Variants in POLA1 observed in about 807,000 individuals in gnomAD.
The protein encoded by POLA1 is DNA polymerase alpha catalytic subunit.
In POLA1, 15 loss-of-function variants were observed where a neutral mutation model predicts 124.0. That is an observed-to-expected ratio of 0.12 (90% CI 0.08 to 0.19). POLA1 has a LOEUF of 0.19. Ranked by LOEUF, POLA1 falls within the 10% of genes least tolerant of loss-of-function variation. The pLI, the probability that POLA1 is intolerant of heterozygous loss-of-function variation, is 1.00. For missense variants in POLA1, 886 were observed against 1,103.4 expected, an observed-to-expected ratio of 0.80 and a Z score of 2.79; for synonymous variants, 408 against 389.4, an observed-to-expected ratio of 1.05 and a Z score of -0.56.
Position 24,806,120 on chromosome X carries a change from T to C in POLA1, c.2965-3778T>C, listed in dbSNP as rs1291113547. 2.5e-3 allele frequency among the ~76,000 whole-genome samples: 188 copies of C among 74,274 alleles called. 1 individual carries two copies. Among genetic ancestry groups the C allele is most frequent in the Non-Finnish European group, 3.7e-3 (159 of 42,916 alleles). The allele number at this position is 74,274 out of a possible 115,157, so 64.5% of individuals were successfully genotyped here. ...TTTTTTTTTTTTTTTGAGAAGGTAG[T>C]GAGACATAATGAAAAGAAAGTGAAA... On this transcript the variant is annotated intron_variant, in intron 26 of 36. Transcript: ENST00000379068.
chrX:24,788,929 G>C (rs373001666), intron 26 of POLA1: 1 of 1,203,056 alleles, frequency 8.3e-7, no homozygotes, highest in African/African-American at 1.8e-5. Context: ...GACACAAGTC[G>C]GCAGGCAGTG....
Position 24,742,404 on chromosome X carries a change from T to C in POLA1, c.2466+283T>C, listed in dbSNP as rs140762536. Among the ~76,000 whole-genome samples the C allele has an allele frequency of 1.7e-4, 19 of 112,447 alleles. No homozygotes were observed. In the East Asian group the frequency reaches 5.3e-3, roughly 31 times the overall value. Reference sequence around the variant, plus strand: ...CTGATGGGTGACCATACATGGAATGTGTTCTGGCACCTCAGCCCTATCCAA... The same window carrying C: ...CTGATGGGTGACCATACATGGAATGCGTTCTGGCACCTCAGCCCTATCCAA... On this transcript the variant is annotated intron_variant, in intron 22 of 36. Transcript: ENST00000379068.
intron 26 of POLA1, among the ~76,000 whole-genome samples, chrX:24,782,999 G>T (rs2045296046): frequency 9.1e-6 from 1 of 109,312 alleles, no homozygotes; most frequent in Non-Finnish European, 1.9e-5. Flanking sequence ...ATGCCTTTAG[G>T]GATGAATCAC....
chrX:24,716,476 T>C (rs1929850841), intron 7 of POLA1, 22 bp downstream of exon 7: 4 of 863,713 alleles, frequency 4.6e-6, no homozygotes, highest in Non-Finnish European at 5.2e-6. Flanking sequence ...AGAGATACCT[T>C]CAATCTTGAT....
At chrX:24,813,232 C>T (rs995247070) in intron 29 of POLA1, among the ~76,000 whole-genome samples, 36 of 111,077 alleles carry the variant, frequency 3.2e-4, no homozygotes, top group African/African-American at 1.1e-3. Context: ...CTGAATCTTC[C>T]TAGAGCCTCT....
At chrX:24,810,192 C>T (rs1164867150) in intron 27 of POLA1, among the ~76,000 whole-genome samples, 1 of 111,342 alleles carries the variant, frequency 9.0e-6, no homozygotes, top group Non-Finnish European at 1.9e-5. Context: ...GGCCTTTATA[C>T]TGTATGTGCT....
intron 28 of POLA1, among the ~76,000 whole-genome samples, chrX:24,811,642 G>GTTTTTTTTTTTTTTTTTTTTT (rs10582961): frequency 1.1e-5 from 1 of 94,967 alleles, no homozygotes; most frequent in Non-Finnish European, 2.1e-5. Flanking sequence ...AAATTCAAAG[G>GTTTTTTTTTTTTTTTTTTTTT]TTTTTTTTTT....
Position 24,741,361 on chromosome X carries a change from A to C in POLA1, c.2217-14A>C, listed in dbSNP as rs1176950657. The stretch of plus-strand genomic sequence containing the variant: ...AATTACTTGATTCTGTTTCATTCTT[A>C]CTTTTCTGTACAGTGAATCTTCTCA... On this transcript the variant is annotated splice_polypyrimidine_tract_variant and intron_variant, in intron 20 of 36. Transcript: ENST00000379068. The C allele has an allele frequency of 1.7e-6, 2 of 1,158,031 alleles. No homozygotes were observed. Among genetic ancestry groups the C allele is most frequent in the African/African-American group, 3.6e-5 (2 of 56,031 alleles).
Position 24,983,831 on chromosome X carries a change from G to A in POLA1, c.4262-11974G>A, listed in dbSNP as rs781595444. Among the ~76,000 whole-genome samples the A allele has an allele frequency of 1.3e-4, 14 of 110,972 alleles. No individual in the cohort carries two copies. In the South Asian group the frequency reaches 5.1e-3, roughly 40 times the overall value. On this transcript the variant is annotated intron_variant, in intron 36 of 36. Coordinates refer to ENST00000379068, the MANE Select transcript of POLA1 (RefSeq NM_001330360.2). ...ATATGGGAGGGAGACTGCTGTGCAT[G>A]GTGGGATGGCCTATAGCAGTTAGAC...
chrX:24,812,294 C>A (rs1282963742), intron 28 of POLA1, among the ~76,000 whole-genome samples: 6 of 112,486 alleles, frequency 5.3e-5, no homozygotes, highest in Admixed American at 1.9e-4. Flanking sequence ...TATTCACTAA[C>A]TAACTGAATA....
At chrX:24,936,680 T>C (rs1313221223) in intron 36 of POLA1, among the ~76,000 whole-genome samples, 1 of 111,399 alleles carries the variant, frequency 9.0e-6, no homozygotes, top group African/African-American at 3.3e-5. Context: ...TACAGGCATC[T>C]GCCACCACGC....
intron 34 of POLA1, among the ~76,000 whole-genome samples, chrX:24,859,896 C>G (rs764449083): frequency 4.4e-5 from 5 of 112,805 alleles, no homozygotes; most frequent in African/African-American, 1.3e-4. Context: ...TAATCTCTTG[C>G]TGTCTAAACT....
chrX:24,992,429 T>C (rs770944142), intron 36 of POLA1, among the ~76,000 whole-genome samples: 7 of 112,048 alleles, frequency 6.2e-5, no homozygotes, highest in Non-Finnish European at 1.1e-4. Context: ...ATATAGTAAA[T>C]TGACACACCT....
At chrX:24,859,424 C>T (rs1601812070) in intron 34 of POLA1, among the ~76,000 whole-genome samples, 1 of 111,785 alleles carries the variant, frequency 8.9e-6, no homozygotes, top group South Asian at 3.8e-4. Flanking sequence ...ACTTTCACTC[C>T]TGCCATTTCC....
At chrX:24,908,335 C>T in intron 35 of POLA1, among the ~76,000 whole-genome samples, 1 of 107,129 alleles carries the variant, frequency 9.3e-6, no homozygotes, top group African/African-American at 3.4e-5. Flanking sequence ...TGTGCTGCAC[C>T]CATTAACTCA....
chrX:24,743,358 C>A, intron 23 of POLA1, 29 bp downstream of exon 23: 1 of 777,398 alleles, frequency 1.3e-6, no homozygotes, highest in Non-Finnish European at 1.9e-6. Context: ...TTGGTTTTCT[C>A]CCAGTATTAA....
chrX:24,766,121 G>A (rs186729598), intron 26 of POLA1, among the ~76,000 whole-genome samples: 169 of 111,878 alleles, frequency 1.5e-3, no homozygotes, highest in African/African-American at 5.3e-3. Flanking sequence ...TTAGATTGTC[G>A]TCAGTGTTTT....
chrX:24,721,394 T>C lies in POLA1; in HGVS notation c.1088-1761T>C, dbSNP rs189920539. On this transcript the variant is annotated intron_variant, in intron 10 of 36. Transcript: ENST00000379068. The stretch of plus-strand genomic sequence containing the variant: ...CTCCTATGGCACATCTTCTCTGTTA[T>C]TGATGCCAACGGGTTAAATAAGATA... 1.1e-3 allele frequency among the ~76,000 whole-genome samples: 121 copies of C among 112,416 alleles called. 2 individuals carry two copies. In the Admixed American group the frequency reaches 0.011, roughly 11 times the overall value.
chrX:24,904,751 G>A (rs1231762379), intron 35 of POLA1, among the ~76,000 whole-genome samples: 1 of 111,517 alleles, frequency 9.0e-6, no homozygotes, highest in Non-Finnish European at 1.9e-5. Flanking sequence ...TGAGTCGGGT[G>A]CAGTGACTCA....
Sources: allele counts gnomAD v4.1 joint callset (sites outside exome capture counted in the v4.1 genomes callset), GRCh38; gene constraint gnomAD v4.1.1; transcripts MANE v1.5; gene names NCBI Gene and HGNC (gene_info 2026-07-23, HGNC 2026-07-21).